KLF7: variants seen among roughly 807,000 people sequenced by gnomAD.
KLF7 encodes the protein KLF transcription factor 7.
In KLF7, 2 loss-of-function variants were observed where a neutral mutation model predicts 27.3. The ratio of observed to expected loss-of-function variants is 0.07; its 90% CI spans 0.03 to 0.23. KLF7 has a LOEUF of 0.23. Among genes scored for constraint, KLF7 ranks in the 10% least tolerant of loss-of-function variants. KLF7 has a pLI of 1.00. For synonymous variants in KLF7, 165 were observed against 162.4 expected (o/e 1.02, Z -0.12); for missense variants, 221 against 394.1 (o/e 0.56, Z 3.72).
chr2:207,117,645 G>C (rs551283232), intron 2 of KLF7, among the ~76,000 whole-genome samples: 4 of 152,300 alleles, frequency 2.6e-5, no homozygotes, highest in South Asian at 2.1e-4. Flanking sequence ...CTAGCAGGTT[G>C]AAAGTGGTTG....
chr2:207,165,849 A>G lies in KLF7; in HGVS notation c.-281T>C. On this transcript the variant is annotated 5_prime_UTR_variant, in exon 1 of 4. Coordinates refer to ENST00000309446, the MANE Select transcript of KLF7 (RefSeq NM_003709.4). ...AAAAGGGGACTTCTCCACGGGAGTAACAATTCCCTTCCAGGGCTCTAATCA... is the reference window on the plus strand; with the variant it reads ...AAAAGGGGACTTCTCCACGGGAGTAGCAATTCCCTTCCAGGGCTCTAATCA... 1 of 1,290,282 alleles carries G rather than the reference A, an allele frequency of 7.8e-7. No homozygotes were observed. Among genetic ancestry groups the G allele is most frequent in the Non-Finnish European group, 9.9e-7 (1 of 1,013,040 alleles). 79.9% of individuals were successfully genotyped at this position (1,290,282 alleles called of 1,614,324 possible). A position where few individuals can be genotyped will look rare whatever the true frequency, so the allele number is the denominator to read the frequency against.
intron 1 of KLF7, among the ~76,000 whole-genome samples, chr2:207,160,426 G>C (rs9653332): frequency 0.39 from 59,478 of 151,956 alleles, 12,536 homozygotes; most frequent in African/African-American, 0.53. Context: ...ATCACAGAGC[G>C]ATTTTCTGCA....
intron 1 of KLF7, among the ~76,000 whole-genome samples, chr2:207,144,604 G>A (rs1354124948): frequency 6.6e-6 from 1 of 152,072 alleles, no homozygotes; most frequent in East Asian, 1.9e-4. Flanking sequence ...ATGAACACAG[G>A]GTGGCTCAGT....
intron 1 of KLF7, among the ~76,000 whole-genome samples, chr2:207,131,489 C>A (rs1435810525): frequency 6.6e-6 from 1 of 152,208 alleles, no homozygotes; most frequent in Admixed American, 6.5e-5. Flanking sequence ...TGACACAAAA[C>A]AAGCTACTGT....
chr2:207,123,615 C>T (rs758588585), intron 2 of KLF7, among the ~76,000 whole-genome samples, 159 bp downstream of exon 2: 1 of 152,130 alleles, frequency 6.6e-6, no homozygotes, highest in Non-Finnish European at 1.5e-5. Context: ...CTTAAGGTAA[C>T]AAGTGAGTCA....
At chr2:207,170,573 G>A (rs1371397544), upstream of KLF7, among the ~76,000 whole-genome samples, 3 of 152,140 alleles carry the variant, frequency 2.0e-5, no homozygotes. Flanking sequence ...TCAAAGGACA[G>A]GTTGATTCTC....
intron 2 of KLF7, among the ~76,000 whole-genome samples, chr2:207,112,894 A>C (rs1037675451): frequency 6.6e-6 from 1 of 152,216 alleles, no homozygotes; most frequent in East Asian, 1.9e-4. Context: ...TATGGTGCAA[A>C]ATGTGTTATT....
chr2:207,157,702 G>A (rs571122044), intron 1 of KLF7, among the ~76,000 whole-genome samples: 1 of 152,322 alleles, frequency 6.6e-6, no homozygotes, highest in African/African-American at 2.4e-5. Context: ...GGCCAAGGGT[G>A]CCATCCATGA....
intron 3 of KLF7, among the ~76,000 whole-genome samples, chr2:207,081,877 A>C (rs1277398083): frequency 6.7e-6 from 1 of 150,338 alleles, no homozygotes; most frequent in Non-Finnish European, 1.5e-5. Flanking sequence ...AAAAGGATGA[A>C]GAAGGGTGCT....
upstream of KLF7, chr2:207,166,247 C>G (rs1051147618): frequency 9.7e-6 from 9 of 932,310 alleles, no homozygotes; most frequent in Non-Finnish European, 1.2e-5. Context: ...GAGCCCGGAG[C>G]AGAGCCTGGG....
intron 2 of KLF7, among the ~76,000 whole-genome samples, chr2:207,116,755 T>C (rs2077199078): frequency 6.6e-6 from 1 of 152,202 alleles, no homozygotes; most frequent in Non-Finnish European, 1.5e-5. Context: ...CCTCTTCTTT[T>C]CTTCTCTATC....
chr2:207,160,695 A>G (rs1209196075), intron 1 of KLF7, among the ~76,000 whole-genome samples: 1 of 152,256 alleles, frequency 6.6e-6, no homozygotes, highest in Non-Finnish European at 1.5e-5. Context: ...TACAATGTGA[A>G]GATTCATAAA....
At chr2:207,095,119 C>T (rs556732615) in intron 2 of KLF7, among the ~76,000 whole-genome samples, 2 of 141,396 alleles carry the variant, frequency 1.4e-5, no homozygotes, top group East Asian at 4.3e-4. Context: ...CGGCTCACTG[C>T]AAGCTCCGCC....
At chr2:207,101,262 C>T (rs1468948417) in intron 2 of KLF7, among the ~76,000 whole-genome samples, 1 of 152,194 alleles carries the variant, frequency 6.6e-6, no homozygotes, top group Non-Finnish European at 1.5e-5. Flanking sequence ...GAGATTAAAG[C>T]TAAATGGAAA....
rs2076257853 is a variant in KLF7 at position 207,081,035 on chromosome 2, G to A, written c.*178C>T. ...TAGTTGAGTGCATGACAGTGTGTATGTGTGTGGGTCTGTGAGTGTGTGTAT... is the reference window on the plus strand; with the variant it reads ...TAGTTGAGTGCATGACAGTGTGTATATGTGTGGGTCTGTGAGTGTGTGTAT... On this transcript the variant is annotated 3_prime_UTR_variant, in exon 4 of 4. Transcript: ENST00000309446. 3 of 660,812 alleles carry A rather than the reference G, an allele frequency of 4.5e-6. No individual in the cohort carries two copies. Among genetic ancestry groups the A allele is most frequent in the Admixed American group, 2.4e-5 (1 of 42,332 alleles). The allele number at this position is 660,812 out of a possible 1,614,324, so 40.9% of individuals were successfully genotyped here.
chr2:207,083,380 G>C (rs747441237), intron 3 of KLF7, among the ~76,000 whole-genome samples: 7 of 152,076 alleles, frequency 4.6e-5, no homozygotes, highest in Admixed American at 6.5e-5. Context: ...GGAGAAAGAA[G>C]ATCCAAGTTG....
intron 1 of KLF7, among the ~76,000 whole-genome samples, chr2:207,154,269 T>C (rs2078321297): frequency 6.6e-6 from 1 of 152,194 alleles, no homozygotes; most frequent in South Asian, 2.1e-4. Flanking sequence ...TAACCGGCAC[T>C]GTATTATGTT....
chr2:207,084,436 G>C (rs1211676751), intron 3 of KLF7, among the ~76,000 whole-genome samples: 1 of 151,476 alleles, frequency 6.6e-6, no homozygotes, highest in Non-Finnish European at 1.5e-5. Context: ...TCAAATTCAG[G>C]GAAAAAAAAG....
At chr2:207,145,723 G>A (rs2078079502) in intron 1 of KLF7, among the ~76,000 whole-genome samples, 1 of 152,090 alleles carries the variant, frequency 6.6e-6, no homozygotes, top group African/African-American at 2.4e-5. Context: ...TTAAACTTCT[G>A]TGCCTATTTA....
Sources: allele counts gnomAD v4.1 joint callset (sites outside exome capture counted in the v4.1 genomes callset), GRCh38; gene constraint gnomAD v4.1.1; transcripts MANE v1.5; gene names NCBI Gene and HGNC (gene_info 2026-07-23, HGNC 2026-07-21).